The following CFAP299 variants were observed in gnomAD, a reference collection of about 807,000 sequenced individuals.
CFAP299 encodes the protein cilia and flagella associated protein 299, also known as cilia- and flagella-associated protein 299.
Under a neutral mutation model 27.0 loss-of-function variants are expected in CFAP299, and 21 were observed. The observed-to-expected ratio is 0.78, with a 90% confidence interval of 0.55 to 1.12. CFAP299 has a LOEUF of 1.12. CFAP299 is among the 50% of genes most tolerant of loss of function. The probability of loss-of-function intolerance (pLI) is 0.00; values close to 1 mark genes in which losing one functional copy is unlikely to be tolerated. For missense variants in CFAP299, 310 were observed against 276.6 expected (o/e 1.12, Z -0.86); for synonymous variants, 104 against 98.1 (o/e 1.06, Z -0.36).
chr4:80,944,498 C>A (rs1302346592), intron 4 of CFAP299, among the ~76,000 whole-genome samples: 1 of 152,150 alleles, frequency 6.6e-6, no homozygotes, highest in Non-Finnish European at 1.5e-5. Context: ...TGAACTAGAA[C>A]AAATAGCCTT....
At chr4:80,371,607 G>A (rs1223681362) in intron 2 of CFAP299, among the ~76,000 whole-genome samples, 1 of 152,112 alleles carries the variant, frequency 6.6e-6, no homozygotes, top group Non-Finnish European at 1.5e-5. Context: ...AATTTCTTCT[G>A]CCAAATACTC....
intron 3 of CFAP299, among the ~76,000 whole-genome samples, chr4:80,685,982 T>C (rs1720164057): frequency 6.6e-6 from 1 of 152,190 alleles, no homozygotes. Context: ...TCTTAATATA[T>C]TTCATCTTCT....
intron 2 of CFAP299, among the ~76,000 whole-genome samples, chr4:80,576,191 A>ATATATATATAT (rs1308158560): frequency 9.4e-4 from 28 of 29,678 alleles, no homozygotes; most frequent in African/African-American, 2.9e-3. Context: ...TAATAATAAA[A>ATATATATATAT]AAAAAAATAT....
At chr4:80,555,433 A>T (rs1044401531) in intron 2 of CFAP299, among the ~76,000 whole-genome samples, 4 of 152,096 alleles carry the variant, frequency 2.6e-5, no homozygotes, top group Non-Finnish European at 5.9e-5. Flanking sequence ...ATTGATGTTC[A>T]TCAAAAGATA....
At chr4:80,355,189 A>AT (rs1294505404) in intron 1 of CFAP299, among the ~76,000 whole-genome samples, 13 of 151,912 alleles carry the variant, frequency 8.6e-5, no homozygotes, top group Non-Finnish European at 1.9e-4. Flanking sequence ...GGCATCTGTT[A>AT]TTTTTTGACT....
chr4:80,939,701 T>C (rs1217462080), intron 4 of CFAP299, among the ~76,000 whole-genome samples: 1 of 152,216 alleles, frequency 6.6e-6, no homozygotes, highest in Non-Finnish European at 1.5e-5. Flanking sequence ...GGTAGTCTCA[T>C]GTTTCCTTGA....
chr4:80,753,533 A>G (rs2110072547), intron 3 of CFAP299, among the ~76,000 whole-genome samples: 1 of 152,202 alleles, frequency 6.6e-6, no homozygotes, highest in Non-Finnish European at 1.5e-5. Context: ...AGTGTCTGAC[A>G]TTAATTTTGG....
At chr4:80,596,591 C>T (rs1355891299) in intron 3 of CFAP299, among the ~76,000 whole-genome samples, 1 of 151,416 alleles carries the variant, frequency 6.6e-6, no homozygotes. Context: ...TTAGAAACTT[C>T]TTTTTAAAAT....
intron 2 of CFAP299, among the ~76,000 whole-genome samples, chr4:80,577,425 A>G (rs1348727337): frequency 1.3e-5 from 1 of 76,092 alleles, no homozygotes; most frequent in Non-Finnish European, 2.3e-5. Flanking sequence ...TTTTTTTGAG[A>G]CGGAGTCTCG....
At chr4:80,673,536 C>T (rs191930757) in intron 3 of CFAP299, among the ~76,000 whole-genome samples, 123 of 152,252 alleles carry the variant, frequency 8.1e-4, no homozygotes, top group African/African-American at 2.6e-3. Flanking sequence ...CTGCTTGGTG[C>T]GGAGCTGAGT....
chr4:80,608,766 A>C (rs769502582), intron 3 of CFAP299, among the ~76,000 whole-genome samples: 1 of 151,982 alleles, frequency 6.6e-6, no homozygotes, highest in African/African-American at 2.4e-5. Flanking sequence ...AGGAGGTTTA[A>C]TGAGTAATAA....
intron 4 of CFAP299, among the ~76,000 whole-genome samples, chr4:80,930,006 C>A (rs1736530897): frequency 6.6e-6 from 1 of 152,012 alleles, no homozygotes; most frequent in Non-Finnish European, 1.5e-5. Context: ...TGTTTGGGTG[C>A]CCTAGGACAC....
At chr4:80,335,245 T>C (rs558466292), upstream of CFAP299, among the ~76,000 whole-genome samples, 1 of 152,342 alleles carries the variant, frequency 6.6e-6, no homozygotes, top group East Asian at 1.9e-4. Context: ...CTTTGGGAAT[T>C]TCATAAATTG....
upstream of CFAP299, among the ~76,000 whole-genome samples, chr4:80,334,492 G>T (rs1304488214): frequency 6.6e-6 from 1 of 152,074 alleles, no homozygotes; most frequent in East Asian, 1.9e-4. Flanking sequence ...TGGCCAGTCT[G>T]GTCTTGAACT....
chr4:80,823,700 C>T (rs1729829361), intron 3 of CFAP299, among the ~76,000 whole-genome samples: 1 of 152,108 alleles, frequency 6.6e-6, no homozygotes, highest in Admixed American at 6.6e-5. Flanking sequence ...ATGCCTGGTA[C>T]TACGTTAAGT....
chr4:80,446,849 A>C (rs1728638926), intron 2 of CFAP299, among the ~76,000 whole-genome samples: 1 of 152,202 alleles, frequency 6.6e-6, no homozygotes, highest in Admixed American at 6.5e-5. Flanking sequence ...AGATCAGTCA[A>C]CTCATCAAAA....
chr4:80,611,998 T>G (rs1738007649), intron 3 of CFAP299, among the ~76,000 whole-genome samples: 1 of 152,118 alleles, frequency 6.6e-6, no homozygotes, highest in Admixed American at 6.6e-5. Context: ...TGTGTGAAAT[T>G]CACAAATCGT....
At chr4:80,780,657 TA>T (rs1256623681) in intron 3 of CFAP299, among the ~76,000 whole-genome samples, 3 of 152,012 alleles carry the variant, frequency 2.0e-5, no homozygotes, top group Non-Finnish European at 1.5e-5. Context: ...CTTTGGTTAA[TA>T]AAAAATTTTG....
intron 4 of CFAP299, among the ~76,000 whole-genome samples, chr4:80,888,973 A>C (rs1220403682): frequency 7.1e-6 from 1 of 141,350 alleles, no homozygotes; most frequent in African/African-American, 2.6e-5. Flanking sequence ...CAGCAAAAGC[A>C]GTATTCAGAG....
Sources: allele counts gnomAD v4.1 joint callset (sites outside exome capture counted in the v4.1 genomes callset), GRCh38; gene constraint gnomAD v4.1.1; transcripts MANE v1.5; gene names NCBI Gene and HGNC (gene_info 2026-07-23, HGNC 2026-07-21).